The following GLIPR2 variants were observed in gnomAD, a reference collection of about 807,000 sequenced individuals.
GLIPR2 encodes the protein GLI pathogenesis related 2.
In GLIPR2, 21 loss-of-function variants were observed where a neutral mutation model predicts 20.4. The observed-to-expected ratio is 1.03, with a 90% confidence interval of 0.73 to 1.48. The LOEUF is 1.48. Among genes scored for constraint, GLIPR2 ranks in the 40% most tolerant of loss-of-function variants. GLIPR2 has a pLI of 0.00. For missense variants in GLIPR2, 205 were observed against 200.1 expected (o/e 1.02, Z -0.15); for synonymous variants, 91 against 80.5 (o/e 1.13, Z -0.70).
rs576326548 is a variant in GLIPR2, at chr9:36,150,289, C to T, written c.227-583C>T. Among the ~76,000 whole-genome samples the T allele has an allele frequency of 1.3e-4, 20 of 152,282 alleles. No homozygotes were observed. The East Asian group carries it at 3.9e-3, about 29-fold the overall frequency. The stretch of plus-strand genomic sequence containing the variant: ...CATTTGAGACTGACTGCTCTGAGGT[C>T]CCCGCTCCTGGCTCTGGCCCGGAGA... On this transcript the variant is annotated intron_variant, in intron 3 of 4. Transcript: ENST00000377960.
intron 4 of GLIPR2, among the ~76,000 whole-genome samples, chr9:36,156,404 A>G (rs1016346071): frequency 1.3e-5 from 2 of 148,560 alleles, no homozygotes; most frequent in African/African-American, 5.2e-5. Context: ...AAAAAAAAAA[A>G]AAAAAAAAGA....
intron 1 of GLIPR2, chr9:36,141,944 G>T: frequency 2.2e-6 from 1 of 448,778 alleles, no homozygotes; most frequent in Admixed American, 2.5e-5. Flanking sequence ...CTCCACCCCA[G>T]CAGAGACAGC....
chr9:36,142,486 G>A (rs1825132284), intron 1 of GLIPR2, among the ~76,000 whole-genome samples: 1 of 152,188 alleles, frequency 6.6e-6, no homozygotes, highest in Non-Finnish European at 1.5e-5. Flanking sequence ...AAGATCATGC[G>A]TAGGCCCAGC....
chr9:36,149,427 C>T (rs115673364), intron 3 of GLIPR2, among the ~76,000 whole-genome samples: 2,351 of 152,354 alleles, frequency 0.015, 68 homozygotes, highest in African/African-American at 0.053. Context: ...CCTTGGCACC[C>T]CCACTGGGAG....
intron 1 of GLIPR2, among the ~76,000 whole-genome samples, chr9:36,145,311 G>T (rs142838603): frequency 1.3e-5 from 2 of 152,208 alleles, no homozygotes; most frequent in East Asian, 1.9e-4. Flanking sequence ...CTCATATTGG[G>T]AGTTGCCTCC....
At chr9:36,143,281 T>C (rs1162846919) in intron 1 of GLIPR2, among the ~76,000 whole-genome samples, 15 of 152,134 alleles carry the variant, frequency 9.9e-5, no homozygotes, top group Admixed American at 9.2e-4. Context: ...AGCCCCAGGA[T>C]ACACGTGGTC....
chr9:36,159,910 G>T (rs1825986330), intron 4 of GLIPR2, among the ~76,000 whole-genome samples: 1 of 152,132 alleles, frequency 6.6e-6, no homozygotes, highest in Admixed American at 6.5e-5. Context: ...AGGCTGCAGT[G>T]AGCCGAGATC....
intron 4 of GLIPR2, among the ~76,000 whole-genome samples, chr9:36,157,159 G>A (rs1825868528): frequency 6.7e-6 from 1 of 150,254 alleles, no homozygotes; most frequent in Non-Finnish European, 1.5e-5. Flanking sequence ...TGGGATTATA[G>A]GCACCCGCCA....
In GLIPR2 at chr9:36,148,603, G is replaced by A. The variant is rs200040826; in HGVS notation, c.179G>A (p.Arg60His). The change falls in exon 3 of 5, where the codon CGT (arginine) becomes CAT (histidine). Residue 60 changes from arginine (R) to histidine (H), a missense_variant. By Grantham distance (29) the Arg-to-His change is conservative. Transcript: ENST00000377960. ...RILKHSPESS[R>H]GQCGENLAWA... is the part of the protein sequence containing the mutation. ...CTCAAGCACAGCCCGGAGTCCAGCC[G>A]TGGCCAGTGTGGGGAGAACCTTGCA... 6.2e-6 allele frequency: 10 copies of A among 1,614,132 alleles called. No individual in the cohort carries two copies. The highest frequency in any genetic ancestry group is 2.2e-5 in the East Asian group (1 of 44,886).
At chr9:36,143,829 G>A (rs899836651) in intron 1 of GLIPR2, among the ~76,000 whole-genome samples, 1 of 152,152 alleles carries the variant, frequency 6.6e-6, no homozygotes. Context: ...TCGCCAGAAA[G>A]CTTTGACTAG....
intron 3 of GLIPR2, among the ~76,000 whole-genome samples, chr9:36,149,589 G>C (rs559741687): frequency 2.6e-5 from 4 of 152,164 alleles, no homozygotes; most frequent in Non-Finnish European, 5.9e-5. Context: ...TTCCAGCCTC[G>C]CACAGCCTCC....
At chr9:36,162,161 C>T (rs1422800595) in intron 4 of GLIPR2, 19 of 1,335,340 alleles carry the variant, frequency 1.4e-5, no homozygotes, top group East Asian at 8.2e-5. Flanking sequence ...GGTTACAGAG[C>T]GAGACTCCAT....
At chr9:36,157,361 T>C (rs1478064239) in intron 4 of GLIPR2, among the ~76,000 whole-genome samples, 1 of 144,966 alleles carries the variant, frequency 6.9e-6, no homozygotes. Flanking sequence ...TTTTTTATTT[T>C]TTTGAGATGG....
intron 2 of GLIPR2, 77 bp from the exon 3 acceptor site, chr9:36,148,470 C>A: frequency 9.5e-7 from 1 of 1,047,258 alleles, no homozygotes; most frequent in Non-Finnish European, 1.5e-6. Flanking sequence ...GGAAGCTCAG[C>A]CACACTAGCT....
chr9:36,158,642 C>G (rs1441483537), intron 4 of GLIPR2, among the ~76,000 whole-genome samples: 1 of 152,222 alleles, frequency 6.6e-6, no homozygotes, highest in Non-Finnish European at 1.5e-5. Flanking sequence ...TAGGAGGGAA[C>G]AATCTCTTCA....
chr9:36,150,165 A>G (rs1259448316), intron 3 of GLIPR2, among the ~76,000 whole-genome samples: 1 of 152,240 alleles, frequency 6.6e-6, no homozygotes, highest in Non-Finnish European at 1.5e-5. Context: ...TGTGTGGAAC[A>G]TGGATCAGCA....
In GLIPR2 at chr9:36,163,791, A is replaced by C. The variant is rs1826168833; in HGVS notation, c.*1269A>C. The C allele has an allele frequency of 2.0e-5, 3 of 152,744 alleles. No homozygotes were observed. The highest frequency in any genetic ancestry group is 2.0e-4 in the Admixed American group (3 of 15,294). The allele number at this position is 152,744 out of a possible 1,614,324, so 9.5% of individuals were successfully genotyped here. A position where few individuals can be genotyped will look rare whatever the true frequency, so the allele number is the denominator to read the frequency against. ...TTAACAGCAGGCATCTGGGCAGGCC[A>C]GTCCTCAAAGCAGCTCCTGAAGGTC... On this transcript the variant is annotated 3_prime_UTR_variant, in exon 5 of 5. Coordinates refer to ENST00000377960, the MANE Select transcript of GLIPR2 (RefSeq NM_022343.4).
Position 36,136,839 on chromosome 9 carries a change from T to C in GLIPR2, c.13+48T>C. On this transcript the variant is annotated intron_variant, in intron 1 of 4. Coordinates refer to ENST00000377960, the MANE Select transcript of GLIPR2 (RefSeq NM_022343.4). The surrounding 1 kb of genome is among the most constrained non-coding windows in gnomAD (Gnocchi z 4.3). ...TGCGGAATGGTTCGGAACCCCGCGC[T>C]CCCGGACCTCGCCGTCTCCCTCGTC... 7.9e-7 allele frequency: 1 copy of C among 1,263,464 alleles called. No individual in the cohort carries two copies. Among genetic ancestry groups the C allele is most frequent in the Middle Eastern group, 2.6e-4 (1 of 3,854 alleles). The allele number at this position is 1,263,464 out of a possible 1,614,324, so 78.3% of individuals were successfully genotyped here.
At chr9:36,156,911 A>AAT (rs1825858607) in intron 4 of GLIPR2, among the ~76,000 whole-genome samples, 1 of 152,150 alleles carries the variant, frequency 6.6e-6, no homozygotes, top group South Asian at 2.1e-4. Flanking sequence ...GGAATCATAC[A>AAT]ATATTTGCCC....
Sources: gnomAD v4.1 joint callset for allele counts (sites outside exome capture counted in the v4.1 genomes callset) on GRCh38, gnomAD v4.1.1 for gene constraint, Gnocchi (gnomAD v3.1) non-coding constraint, MANE v1.5 for transcripts, NCBI Gene and HGNC (gene_info 2026-07-23, HGNC 2026-07-21) for gene names.